The following NEURL1B variants were observed in gnomAD, a reference collection of about 807,000 sequenced individuals.
The protein encoded by NEURL1B is neuralized E3 ubiquitin protein ligase 1B.
Under a neutral mutation model 37.4 loss-of-function variants are expected in NEURL1B, and 13 were observed. The ratio of observed to expected loss-of-function variants is 0.35; its 90% confidence interval spans 0.23 to 0.55. The LOEUF (loss-of-function observed/expected upper bound fraction) is 0.55. Among genes scored for constraint, NEURL1B ranks in the 20% least tolerant of loss-of-function variants. The pLI is 0.89. For missense variants in NEURL1B, 790 were observed against 879.2 expected, an observed-to-expected ratio of 0.90 and a Z score of 1.28; for synonymous variants, 432 against 426.6, an observed-to-expected ratio of 1.01 and a Z score of -0.16.
In NEURL1B at chr5:172,683,537, C is replaced by T; in HGVS notation, c.696C>T (p.Asn232=). The change falls in exon 3 of 5, where the codon AAC becomes AAT. Residue 232 remains asparagine (N), a synonymous_variant. Transcript: ENST00000369800. This position sits in a 1 kb window ranked among gnomAD's most constrained non-coding sequence, Gnocchi z 5.6. ...ANFDNNELEN[N]QVVAKLGHLA... ...TCGACAACAACGAGCTCGAGAACAA[C>T]CAGGTGGTGGCCAAGCTGGGCCACC... 1 of 1,492,206 alleles carries T rather than the reference C, an allele frequency of 6.7e-7. No homozygotes were observed. Among genetic ancestry groups the T allele is most frequent in the Non-Finnish European group, 8.9e-7 (1 of 1,125,124 alleles). The allele number at this position is 1,492,206 out of a possible 1,614,324, so 92.4% of individuals were successfully genotyped here.
In NEURL1B at chr5:172,686,544, G is replaced by C; in HGVS notation, c.1424-137G>C. Reference sequence around the variant, plus strand: ...GTAGAGAAAGGTGCAAAACCTGCAAGGTAAACTCAAATTAGTATCTCCCAA... The same window carrying C: ...GTAGAGAAAGGTGCAAAACCTGCAACGTAAACTCAAATTAGTATCTCCCAA... On this transcript the variant is annotated intron_variant, in intron 4 of 4. Coordinates refer to ENST00000369800, the MANE Select transcript of NEURL1B (RefSeq NM_001142651.3). This position sits in a 1 kb window ranked among gnomAD's most constrained non-coding sequence, Gnocchi z 7.9. 9.2e-7 allele frequency: 1 copy of C among 1,091,432 alleles called. No individual in the cohort carries two copies. The highest frequency in any genetic ancestry group is 1.3e-6 in the Non-Finnish European group (1 of 772,166). The allele number at this position is 1,091,432 out of a possible 1,614,324, so 67.6% of individuals were successfully genotyped here.
At position 172,641,727 on chromosome 5, in the gene NEURL1B, C is replaced by T. The variant is rs1757465108; in HGVS notation, c.31+290C>T. ...GCTGGGGCGATGCCGCGCGCCCCCT[C>T]GCCTTTGTTCCAGCCCGAGGGCGCT... On this transcript the variant is annotated intron_variant, in intron 1 of 4. Coordinates refer to ENST00000369800, the MANE Select transcript of NEURL1B (RefSeq NM_001142651.3). The surrounding 1 kb of genome is among the most constrained non-coding windows in gnomAD (Gnocchi z 6.4). 6.6e-6 allele frequency among the ~76,000 whole-genome samples: 1 copy of T among 152,248 alleles called. No individual in the cohort carries two copies. The highest frequency in any genetic ancestry group is 2.1e-4 in the South Asian group (1 of 4,838).
rs891705747 is a variant in NEURL1B, at chr5:172,689,483, C to CT, written c.*2559dup. 2.0e-5 allele frequency: 3 copies of CT among 152,144 alleles called. No homozygotes were observed. The highest frequency in any genetic ancestry group is 4.4e-5 in the Non-Finnish European group (3 of 68,016). 9.4% of individuals were successfully genotyped at this position (152,144 alleles called of 1,614,324 possible). Reference sequence around the variant, plus strand: ...TAGGGAAAAACGCTGCCAATCTTAACTAAGATGCTACAACTGTACAGTTCC... The same window carrying CT: ...TAGGGAAAAACGCTGCCAATCTTAACTTAAGATGCTACAACTGTACAGTTCC... On this transcript the variant is annotated 3_prime_UTR_variant, in exon 5 of 5. Coordinates refer to ENST00000369800, the MANE Select transcript of NEURL1B (RefSeq NM_001142651.3).
rs55663413 is a variant in NEURL1B, at chr5:172,667,275, T to TAA, written c.32-2490_32-2489dup. ...CAACATGGTGAAACCCTGTCTCTAC[T>TAA]AAAAAAAAAAAAAAAAAAAAATTAG... is the stretch of plus-strand genomic sequence containing the variant. On this transcript the variant is annotated intron_variant, in intron 1 of 4. Coordinates refer to ENST00000369800, the MANE Select transcript of NEURL1B (RefSeq NM_001142651.3). Among the ~76,000 whole-genome samples the TAA allele has an allele frequency of 1.2e-3, 88 of 72,288 alleles. 7 individuals are homozygous for TAA. The highest frequency in any genetic ancestry group is 6.0e-3 in the African/African-American group (74 of 12,416). 47.4% of individuals were successfully genotyped at this position (72,288 alleles called of 152,430 possible).
rs1757590209 is a variant in NEURL1B, at chr5:172,647,946, C to T, written c.31+6509C>T. Among the ~76,000 whole-genome samples the T allele has an allele frequency of 6.6e-6, 1 of 152,128 alleles. No individual in the cohort carries two copies. Among genetic ancestry groups the T allele is most frequent in the Non-Finnish European group, 1.5e-5 (1 of 68,022 alleles). ...CCAATACCTTCCCTGGGCCCAGGGT[C>T]CTCACAGGCCCTTCCCCCATCCCGG... On this transcript the variant is annotated intron_variant, in intron 1 of 4. Transcript: ENST00000369800. This position sits in a 1 kb window ranked among gnomAD's most constrained non-coding sequence, Gnocchi z 4.2.
chr5:172,643,232 G>A (rs556028427), intron 1 of NEURL1B, among the ~76,000 whole-genome samples: 1 of 152,316 alleles, frequency 6.6e-6, no homozygotes, highest in African/African-American at 2.4e-5. Context: ...CTTGCACTGA[G>A]TTTGAGGAAG....
rs1036774971 is a variant in NEURL1B, at chr5:172,683,639, C to T, written c.798C>T (p.Arg266=). Residue 266 remains arginine (R), a synonymous_variant, in exon 3 of 5, where the codon CGC becomes CGT. Transcript: ENST00000369800. This position sits in a 1 kb window ranked among gnomAD's most constrained non-coding sequence, Gnocchi z 5.6. ...AAAIPCGPRE[R]PRPASSPALL... ...CCATTCCGTGCGGGCCCCGTGAGCG[C>T]CCGCGGCCCGCGTCGTCGCCGGCGC... is the stretch of plus-strand genomic sequence containing the variant. The T allele has an allele frequency of 1.6e-6, 2 of 1,239,170 alleles. No individual in the cohort carries two copies. The highest frequency in any genetic ancestry group is 1.6e-5 in the African/African-American group (1 of 61,188). 76.8% of individuals were successfully genotyped at this position (1,239,170 alleles called of 1,614,324 possible). A position where few individuals can be genotyped will look rare whatever the true frequency, so the allele number is the denominator to read the frequency against.
intron 1 of NEURL1B, among the ~76,000 whole-genome samples, chr5:172,666,373 G>A (rs970594564): frequency 1.1e-4 from 16 of 152,214 alleles, no homozygotes; most frequent in African/African-American, 3.1e-4. Context: ...GAGACACTAC[G>A]AGGATTAAAT....
In NEURL1B at chr5:172,683,581, C is replaced by T. The variant is rs1435562072; in HGVS notation, c.740C>T (p.Pro247Leu). ...KLGHLALGRA[P>L]GPPPADAAAA... ...GGCCACCTGGCGCTGGGCCGCGCCC[C>T]GGGCCCACCGCCAGCCGACGCCGCG... is the stretch of plus-strand genomic sequence containing the variant. The change falls in exon 3 of 5, where the codon CCG (proline) becomes CTG (leucine). Residue 247 changes from proline to leucine, a missense_variant. By Grantham distance (98) the Pro-to-Leu change is moderately conservative (BLOSUM62 -3). Transcript: ENST00000369800. The surrounding 1 kb of genome is among the most constrained non-coding windows in gnomAD (Gnocchi z 5.6). 15 of 1,341,790 alleles carry T rather than the reference C, an allele frequency of 1.1e-5. 1 individual carries two copies. Among genetic ancestry groups the T allele is most frequent in the South Asian group, 1.0e-4 (6 of 57,488 alleles). The allele number at this position is 1,341,790 out of a possible 1,614,324, so 83.1% of individuals were successfully genotyped here.
In NEURL1B at chr5:172,684,114, G is replaced by A. The variant is rs1758430335; in HGVS notation, c.1273G>A (p.Val425Ile). ...GGCCTTCTTCGCCGTGCGCGGCGGCGTCGCGGGCCAGCTGCGTCTCCTCGG... is the reference window on the plus strand; with the variant it reads ...GGCCTTCTTCGCCGTGCGCGGCGGCATCGCGGGCCAGCTGCGTCTCCTCGG... ...LWAFFAVRGG[V>I]AGQLRLLGTL... The change falls in exon 3 of 5, where the codon GTC (valine) becomes ATC (isoleucine). Residue 425 changes from valine to isoleucine, a missense_variant. Physicochemically the swap from Val to Ile is conservative, Grantham distance 29 (BLOSUM62 3). Around this residue, in one of 3 missense-constraint regions of NEURL1B, gnomAD observed 460 missense variants for 407.4 expected, o/e 1.13. Transcript: ENST00000369800. 3.2e-6 allele frequency: 4 copies of A among 1,260,194 alleles called. No individual in the cohort carries two copies. The highest frequency in any genetic ancestry group is 3.0e-6 in the Non-Finnish European group (3 of 1,002,474). 78.1% of individuals were successfully genotyped at this position (1,260,194 alleles called of 1,614,324 possible).
intron 1 of NEURL1B, among the ~76,000 whole-genome samples, chr5:172,658,968 G>T: frequency 6.6e-6 from 1 of 150,416 alleles, no homozygotes; most frequent in East Asian, 2.0e-4. Flanking sequence ...CCCAAGTTCC[G>T]CCAAACTGTG....
In NEURL1B at chr5:172,669,840, C is replaced by G. The variant is rs547475368; in HGVS notation, c.87C>G (p.Pro29=). 602 of 1,352,340 alleles carry G rather than the reference C, an allele frequency of 4.5e-4. 3 individuals carry two copies. The African/African-American group carries it at 8.5e-3, about 19-fold the overall frequency. 83.8% of individuals were successfully genotyped at this position (1,352,340 alleles called of 1,614,324 possible). Residue 29 remains proline, a synonymous_variant, in exon 2 of 5, where the codon CCC becomes CCG. Coordinates refer to ENST00000369800, the MANE Select transcript of NEURL1B (RefSeq NM_001142651.3). ...LATRPCCGPG[P]ERRPVLGEAP... is the part of the protein sequence containing the mutation. ...CCCGGCCGTGCTGCGGCCCCGGCCC[C>G]GAGCGACGCCCGGTCCTGGGCGAGG...
chr5:172,660,920 C>T (rs534848512), intron 1 of NEURL1B, among the ~76,000 whole-genome samples: 1 of 152,114 alleles, frequency 6.6e-6, no homozygotes, highest in Non-Finnish European at 1.5e-5. Flanking sequence ...CGTGAGCCAC[C>T]GTGCCCAGCC....
At position 172,683,876 on chromosome 5, in the gene NEURL1B, C is replaced by A. The variant is rs1273927418; in HGVS notation, c.1035C>A (p.Cys345Ter). Residue 345 changes from cysteine (C) to a stop codon, truncating the protein, a stop_gained, in exon 3 of 5, where the codon TGC becomes TGA. Coordinates refer to ENST00000369800, the MANE Select transcript of NEURL1B (RefSeq NM_001142651.3). LOFTEE classifies it high-confidence loss of function. This position sits in a 1 kb window ranked among gnomAD's most constrained non-coding sequence, Gnocchi z 5.6. ...CGCTGGCCTTCGGCATCACGTCGTG[C>A]GACCCGGGCGTGCTACGGCCCAACG... ...PGALAFGITS[C>*]DPGVLRPNEL... 1 of 1,396,498 alleles carries A rather than the reference C, an allele frequency of 7.2e-7. No homozygotes were observed. Among genetic ancestry groups the A allele is most frequent in the Non-Finnish European group, 9.3e-7 (1 of 1,069,818 alleles). 86.5% of individuals were successfully genotyped at this position (1,396,498 alleles called of 1,614,324 possible).
At position 172,690,980 on chromosome 5, in the gene NEURL1B, C is replaced by G. The variant is rs1033812287; in HGVS notation, c.*4055C>G. The G allele has an allele frequency of 6.6e-5, 10 of 152,144 alleles. No individual in the cohort carries two copies. Among genetic ancestry groups the G allele is most frequent in the Admixed American group, 5.2e-4 (8 of 15,266 alleles). The allele number at this position is 152,144 out of a possible 1,614,324, so 9.4% of individuals were successfully genotyped here. Reference sequence around the variant, plus strand: ...TCCCATTGCTCGGCCCTGCGCCTGCCCCAGTCCTGGCAGGGGGCACCGGCT... The same window carrying G: ...TCCCATTGCTCGGCCCTGCGCCTGCGCCAGTCCTGGCAGGGGGCACCGGCT... On this transcript the variant is annotated 3_prime_UTR_variant, in exon 5 of 5. Coordinates refer to ENST00000369800, the MANE Select transcript of NEURL1B (RefSeq NM_001142651.3).
chr5:172,671,757 G>A (rs1369504335), intron 2 of NEURL1B, among the ~76,000 whole-genome samples: 1 of 152,204 alleles, frequency 6.6e-6, no homozygotes. Context: ...GGAAAACCCT[G>A]GCCTGGGATT....
At chr5:172,645,909 G>T (rs1757551172) in intron 1 of NEURL1B, among the ~76,000 whole-genome samples, 1 of 152,286 alleles carries the variant, frequency 6.6e-6, no homozygotes, top group Non-Finnish European at 1.5e-5. Context: ...AGACCATGTG[G>T]TCTCTCCACC....
At chr5:172,682,335 GAGGCCAAGGTGGGC>G (rs1257782802) in intron 2 of NEURL1B, among the ~76,000 whole-genome samples, 2 of 152,208 alleles carry the variant, frequency 1.3e-5, no homozygotes, top group African/African-American at 4.8e-5. Context: ...AGCACTTTGG[GAGGCCAAGGTGGGC>G]AGATCACTTG....
In NEURL1B at chr5:172,670,340, G is replaced by T; in HGVS notation, c.577+10G>T. On this transcript the variant is annotated intron_variant, in intron 2 of 4. Transcript: ENST00000369800. The stretch of plus-strand genomic sequence containing the variant: ...GAGGTGCAGCTTCTGGGTAGGTCGC[G>T]GGCGCGGCGCCCCCTGGGGACCTGG... The T allele has an allele frequency of 2.2e-6, 3 of 1,348,648 alleles. No individual in the cohort carries two copies. 83.5% of individuals were successfully genotyped at this position (1,348,648 alleles called of 1,614,324 possible). A position where few individuals can be genotyped will look rare whatever the true frequency, so the allele number is the denominator to read the frequency against.
Sources: allele counts gnomAD v4.1 joint callset (sites outside exome capture counted in the v4.1 genomes callset), GRCh38; gene constraint gnomAD v4.1.1; regional missense constraint gnomAD v4.1.1; non-coding constraint Gnocchi (gnomAD v3.1); transcripts MANE v1.5; gene names NCBI Gene and HGNC (gene_info 2026-07-23, HGNC 2026-07-21).